GRM8: variants seen among roughly 807,000 people sequenced by gnomAD.
The protein encoded by GRM8 is glutamate metabotropic receptor 8.
A neutral mutation model predicts 87.2 loss-of-function variants in GRM8; 47 were observed. The ratio of observed to expected loss-of-function variants is 0.54; its 90% CI spans 0.43 to 0.69. GRM8 has a LOEUF of 0.69. Ranked by LOEUF, GRM8 falls within the 30% of genes least tolerant of loss-of-function variation. The pLI, the probability that GRM8 is intolerant of heterozygous loss-of-function variation, is 0.00. For synonymous variants in GRM8, 396 were observed against 404.5 expected (o/e 0.98, Z 0.25); for missense variants, 1,019 against 1,139.2 (o/e 0.89, Z 1.52).
intron 9 of GRM8, among the ~76,000 whole-genome samples, chr7:126,454,346 T>A (rs1398092153): frequency 6.6e-6 from 1 of 151,722 alleles, no homozygotes; most frequent in Admixed American, 6.6e-5. Context: ...TAAGGAAAGT[T>A]GGTAAAATTA....
At chr7:127,107,530 G>A (rs1825922764) in intron 2 of GRM8, among the ~76,000 whole-genome samples, 1 of 152,204 alleles carries the variant, frequency 6.6e-6, no homozygotes. Context: ...ATGAGTGAAA[G>A]TTCAGAGATC....
chr7:127,134,361 T>A (rs907286729), intron 2 of GRM8, among the ~76,000 whole-genome samples: 4 of 152,198 alleles, frequency 2.6e-5, no homozygotes, highest in African/African-American at 7.2e-5. Flanking sequence ...ACTTCAAAGA[T>A]CAATTTAAAC....
chr7:126,594,260 C>T (rs1357082740), intron 8 of GRM8, among the ~76,000 whole-genome samples: 1 of 151,906 alleles, frequency 6.6e-6, no homozygotes, highest in Non-Finnish European at 1.5e-5. Flanking sequence ...GAAGTGAAAT[C>T]AGTATGTTGA....
intron 9 of GRM8, among the ~76,000 whole-genome samples, chr7:126,451,569 T>C (rs1270868946): frequency 2.6e-5 from 4 of 151,740 alleles, no homozygotes; most frequent in Admixed American, 2.6e-4. Context: ...CCATTATTCA[T>C]AAACTGAATT....
chr7:127,244,046 T>TA (rs947105814), intron 1 of GRM8, among the ~76,000 whole-genome samples: 1 of 152,024 alleles, frequency 6.6e-6, no homozygotes, highest in African/African-American at 2.4e-5. Context: ...CCCAAAGAGC[T>TA]AAAAAATGTG....
intron 2 of GRM8, among the ~76,000 whole-genome samples, chr7:127,233,730 C>T (rs1797828303): frequency 1.3e-5 from 2 of 152,182 alleles, no homozygotes; most frequent in African/African-American, 4.8e-5. Flanking sequence ...CAGAGGGAGC[C>T]TTGAAGCGTC....
At chr7:126,730,673 C>A (rs777137276) in intron 7 of GRM8, among the ~76,000 whole-genome samples, 1 of 151,876 alleles carries the variant, frequency 6.6e-6, no homozygotes, top group Admixed American at 6.6e-5. Context: ...GAGAAGGGAA[C>A]GTGAAAGATA....
intron 7 of GRM8, among the ~76,000 whole-genome samples, chr7:126,624,908 C>T (rs996141014): frequency 6.6e-6 from 1 of 152,206 alleles, no homozygotes; most frequent in African/African-American, 2.4e-5. Context: ...TGGATTCCAG[C>T]GTGAGTGCAT....
chr7:127,213,927 G>A (rs959694293), intron 2 of GRM8, among the ~76,000 whole-genome samples: 2 of 152,104 alleles, frequency 1.3e-5, no homozygotes, highest in Admixed American at 6.6e-5. Flanking sequence ...AGGAAAAAAC[G>A]ATAGCCCAAA....
chr7:126,644,265 C>T (rs1480558649), intron 7 of GRM8, among the ~76,000 whole-genome samples: 3 of 152,148 alleles, frequency 2.0e-5, no homozygotes, highest in African/African-American at 4.8e-5. Context: ...ATGTCAACAG[C>T]GGCCTCATAC....
At chr7:127,225,966 G>C (rs6948167) in intron 2 of GRM8, among the ~76,000 whole-genome samples, 5,527 of 152,038 alleles carry the variant, frequency 0.036, 262 homozygotes, top group East Asian at 0.13. Context: ...CATATATCTG[G>C]GAAGGTATTT....
intron 8 of GRM8, among the ~76,000 whole-genome samples, chr7:126,539,206 ATACT>A (rs1322949606): frequency 1.3e-5 from 2 of 152,074 alleles, no homozygotes; most frequent in African/African-American, 4.8e-5. Flanking sequence ...CAAAAATAAA[ATACT>A]TAGTGATAAA....
At chr7:126,598,083 C>T (rs886635372) in intron 8 of GRM8, among the ~76,000 whole-genome samples, 1 of 152,044 alleles carries the variant, frequency 6.6e-6, no homozygotes, top group Non-Finnish European at 1.5e-5. Context: ...CCCACTCCTC[C>T]CTGCCTTTGC....
rs1212823584 is a variant in GRM8 at position 127,243,383 on chromosome 7, T to TA, written c.-180dup. ...TCACAGTGAATTTCCATCAGACCCC[T>TA]AAGGTTCAATTTTATTTCCTTATAA... is the stretch of plus-strand genomic sequence containing the variant. On this transcript the variant is annotated 5_prime_UTR_variant, in exon 2 of 11. Coordinates refer to ENST00000339582, the MANE Select transcript of GRM8 (RefSeq NM_000845.3). 2 of 583,022 alleles carry TA rather than the reference T, an allele frequency of 3.4e-6. No individual in the cohort carries two copies. The highest frequency in any genetic ancestry group is 6.5e-5 in the Admixed American group (2 of 30,976). 36.1% of individuals were successfully genotyped at this position (583,022 alleles called of 1,614,324 possible). A position where few individuals can be genotyped will look rare whatever the true frequency, so the allele number is the denominator to read the frequency against.
At chr7:127,106,842 T>C (rs1825854083) in intron 2 of GRM8, 130 bp from the exon 3 acceptor site, 3 of 656,164 alleles carry the variant, frequency 4.6e-6, no homozygotes, top group Non-Finnish European at 8.3e-6. Context: ...AATACAGTTT[T>C]ATGACTACCA....
At chr7:126,586,411 G>A (rs1363364876) in intron 8 of GRM8, among the ~76,000 whole-genome samples, 1 of 152,124 alleles carries the variant, frequency 6.6e-6, no homozygotes, top group South Asian at 2.1e-4. Flanking sequence ...GAGGCATCAT[G>A]CTACCTGACT....
intron 2 of GRM8, among the ~76,000 whole-genome samples, chr7:127,203,531 A>G (rs1329822396): frequency 6.6e-6 from 1 of 152,110 alleles, no homozygotes; most frequent in East Asian, 1.9e-4. Context: ...AACATGGTGA[A>G]ACCCTGTCTA....
At chr7:126,885,246 G>A (rs183354723) in intron 6 of GRM8, among the ~76,000 whole-genome samples, 2 of 152,238 alleles carry the variant, frequency 1.3e-5, no homozygotes, top group African/African-American at 4.8e-5. Context: ...CAGGGATCTG[G>A]GTAGGATCCA....
chr7:127,131,114 T>C lies in GRM8; in HGVS notation c.511-24402A>G, dbSNP rs111799750. ...AGTTGCATGGAGAAGCAAGTTGTCATAAATGAAAATATTCACTAAGCCACT... is the reference window on the plus strand; with the variant it reads ...AGTTGCATGGAGAAGCAAGTTGTCACAAATGAAAATATTCACTAAGCCACT... On this transcript the variant is annotated intron_variant, in intron 2 of 10. Coordinates refer to ENST00000339582, the MANE Select transcript of GRM8 (RefSeq NM_000845.3). Among the ~76,000 whole-genome samples the C allele has an allele frequency of 3.1e-3, 470 of 152,342 alleles. 4 individuals are homozygous for C. The highest frequency in any genetic ancestry group is 0.011 in the African/African-American group (452 of 41,578).
Sources: gnomAD v4.1 joint callset for allele counts (sites outside exome capture counted in the v4.1 genomes callset) on GRCh38, gnomAD v4.1.1 for gene constraint, MANE v1.5 for transcripts, NCBI Gene and HGNC (gene_info 2026-07-23, HGNC 2026-07-21) for gene names.